ASAP1: variants seen among roughly 807,000 people sequenced by gnomAD.
The protein encoded by ASAP1 is arf-GAP with SH3 domain, ANK repeat and PH domain-containing protein 1.
ASAP1 carries 43 observed loss-of-function variants against 145.2 expected under a neutral mutation model. That is an observed-to-expected ratio of 0.30 (90% CI 0.23 to 0.38). The LOEUF is 0.38. ASAP1 is among the 10% of genes least tolerant of loss of function. The pLI is 1.00. For missense variants in ASAP1, 1,018 were observed against 1,355.3 expected (o/e 0.75, Z 3.91); for synonymous variants, 546 against 515.5 (o/e 1.06, Z -0.80).
At chr8:130,102,214 G>GGAT (rs2097529977) in intron 24 of ASAP1, among the ~76,000 whole-genome samples, 1 of 152,072 alleles carries the variant, frequency 6.6e-6, no homozygotes, top group Non-Finnish European at 1.5e-5. Flanking sequence ...CCCCCATTCA[G>GGAT]GATGATTTAG....
intron 5 of ASAP1, among the ~76,000 whole-genome samples, chr8:130,212,956 C>A (rs1011654280): frequency 6.6e-6 from 1 of 151,990 alleles, no homozygotes; most frequent in Non-Finnish European, 1.5e-5. Context: ...GAAAACAGAT[C>A]TTCCTGCCCA....
chr8:130,134,012 C>A (rs546400499), intron 15 of ASAP1, among the ~76,000 whole-genome samples: 56 of 152,316 alleles, frequency 3.7e-4, no homozygotes, highest in Admixed American at 1.3e-3. Context: ...CACAGGATCA[C>A]AGAAGGTTAT....
At chr8:130,122,114 C>T (rs1409865213) in intron 18 of ASAP1, among the ~76,000 whole-genome samples, 1 of 152,120 alleles carries the variant, frequency 6.6e-6, no homozygotes, top group Non-Finnish European at 1.5e-5. Context: ...GCACTTTCCC[C>T]ACCTTCAACT....
At chr8:130,079,451 T>G (rs1335375638) in intron 26 of ASAP1, among the ~76,000 whole-genome samples, 1 of 152,120 alleles carries the variant, frequency 6.6e-6, no homozygotes, top group Admixed American at 6.5e-5. Context: ...AAACAGAACT[T>G]GAAAGAGTGC....
At chr8:130,272,576 A>G (rs897890442) in intron 3 of ASAP1, among the ~76,000 whole-genome samples, 1 of 152,354 alleles carries the variant, frequency 6.6e-6, no homozygotes, top group African/African-American at 2.4e-5. Flanking sequence ...ACTATTCCCA[A>G]TAGCAAAGAT....
At chr8:130,390,204 T>C (rs1215353530) in intron 2 of ASAP1, among the ~76,000 whole-genome samples, 2 of 152,238 alleles carry the variant, frequency 1.3e-5, no homozygotes, top group African/African-American at 4.8e-5. Flanking sequence ...CCACTACCTA[T>C]AGCTAACTTC....
At chr8:130,325,211 T>C (rs183150493) in intron 3 of ASAP1, among the ~76,000 whole-genome samples, 3 of 152,290 alleles carry the variant, frequency 2.0e-5, no homozygotes, top group East Asian at 3.9e-4. Flanking sequence ...TGGGGTCAAA[T>C]ATGGTAGTTT....
chr8:130,415,991 T>C (rs1829460582), intron 1 of ASAP1, among the ~76,000 whole-genome samples: 1 of 152,182 alleles, frequency 6.6e-6, no homozygotes, highest in African/African-American at 2.4e-5. Flanking sequence ...GATCAACCAA[T>C]TTCCACAAGA....
chr8:130,342,073 T>C (rs369959679), intron 3 of ASAP1, among the ~76,000 whole-genome samples: 67 of 152,250 alleles, frequency 4.4e-4, no homozygotes, highest in African/African-American at 1.5e-3. Flanking sequence ...AAGAGTTAGC[T>C]GAAAGCAGAC....
intron 1 of ASAP1, among the ~76,000 whole-genome samples, chr8:130,417,601 C>A (rs1829539914): frequency 6.7e-6 from 1 of 150,142 alleles, no homozygotes; most frequent in Non-Finnish European, 1.5e-5. Flanking sequence ...GAAAACCCCA[C>A]AAGTCCTGGC....
intron 3 of ASAP1, among the ~76,000 whole-genome samples, chr8:130,357,241 GT>G (rs1826373824): frequency 6.6e-6 from 1 of 152,092 alleles, no homozygotes; most frequent in South Asian, 2.1e-4. Flanking sequence ...AAGGGTCCAG[GT>G]AAGAGGAGCT....
intron 3 of ASAP1, among the ~76,000 whole-genome samples, chr8:130,319,954 C>A (rs868745893): frequency 6.6e-6 from 1 of 152,164 alleles, no homozygotes; most frequent in Admixed American, 6.5e-5. Flanking sequence ...TATATAAAGT[C>A]TTCACTATTA....
chr8:130,424,953 A>G (rs1277484379), intron 1 of ASAP1, among the ~76,000 whole-genome samples: 1 of 151,760 alleles, frequency 6.6e-6, no homozygotes, highest in Non-Finnish European at 1.5e-5. Flanking sequence ...AGATCTCACC[A>G]CTGCACTCCA....
At position 130,058,008 on chromosome 8, in the gene ASAP1, T is replaced by C. The variant is rs1372606106; in HGVS notation, c.3261A>G (p.Thr1087=). The C allele has an allele frequency of 1.2e-6, 2 of 1,614,134 alleles. No individual in the cohort carries two copies. Among genetic ancestry groups the C allele is most frequent in the African/African-American group, 1.3e-5 (1 of 74,956 alleles). ...CGATAATCACTTCTCCCTCGATGAA[T>C]GTGAGCTCGTCATCGTTGTCTGCCT... ...DCQADNDDEL[T]FIEGEVIIVT... is the part of the protein sequence containing the mutation. The change falls in exon 29 of 30, where the codon ACA becomes ACG. Residue 1087 remains threonine (T), a synonymous_variant. Coordinates refer to ENST00000518721, the MANE Select transcript of ASAP1 (RefSeq NM_018482.4).
chr8:130,057,733 C>A (rs995628365), intron 29 of ASAP1, among the ~76,000 whole-genome samples: 1 of 152,232 alleles, frequency 6.6e-6, no homozygotes, highest in Admixed American at 6.5e-5. Flanking sequence ...CAGGCGTGAG[C>A]CACTGTGCCC....
intron 5 of ASAP1, among the ~76,000 whole-genome samples, chr8:130,211,483 T>G (rs1004202471): frequency 1.3e-5 from 2 of 152,184 alleles, no homozygotes; most frequent in African/African-American, 4.8e-5. Flanking sequence ...CATCATTTAG[T>G]GCACTGATAT....
chr8:130,211,994 C>A (rs1056808871), intron 5 of ASAP1, among the ~76,000 whole-genome samples: 4 of 152,172 alleles, frequency 2.6e-5, no homozygotes, highest in African/African-American at 7.2e-5. Flanking sequence ...GCAGGTGCTG[C>A]ACGAAGATCC....
chr8:130,283,304 G>A (rs1441087943), intron 3 of ASAP1, among the ~76,000 whole-genome samples: 1 of 152,056 alleles, frequency 6.6e-6, no homozygotes, highest in Non-Finnish European at 1.5e-5. Flanking sequence ...AAAAACACTG[G>A]GTACAGTGGT....
At chr8:130,275,754 T>A (rs1820843312) in intron 3 of ASAP1, among the ~76,000 whole-genome samples, 1 of 152,130 alleles carries the variant, frequency 6.6e-6, no homozygotes, top group Admixed American at 6.5e-5. Context: ...AACATAAAAA[T>A]GCTTTTAAAA....
Sources: gnomAD v4.1 joint callset for allele counts (sites outside exome capture counted in the v4.1 genomes callset) on GRCh38, gnomAD v4.1.1 for gene constraint, MANE v1.5 for transcripts, NCBI Gene and HGNC (gene_info 2026-07-23, HGNC 2026-07-21) for gene names.